The following CAPZB variants were observed in gnomAD, a reference collection of about 807,000 sequenced individuals.
The protein encoded by CAPZB is capping actin protein of muscle Z-line subunit beta.
Under a neutral mutation model 38.1 loss-of-function variants are expected in CAPZB, and 2 were observed. That is an observed-to-expected ratio of 0.05 (90% CI 0.02 to 0.17). The LOEUF (loss-of-function observed/expected upper bound fraction) is 0.17. Among genes scored for constraint, CAPZB ranks in the 10% least tolerant of loss-of-function variants. The pLI is 1.00. For missense variants in CAPZB, 161 were observed against 334.2 expected (o/e 0.48, Z 4.04); for synonymous variants, 107 against 127.4 (o/e 0.84, Z 1.08).
At chr1:19,474,626 C>T (rs1323706716) in intron 1 of CAPZB, among the ~76,000 whole-genome samples, 2 of 152,100 alleles carry the variant, frequency 1.3e-5, no homozygotes, top group Non-Finnish European at 2.9e-5. Flanking sequence ...CTTGTAAGTA[C>T]GGGGCAGTTT....
intron 1 of CAPZB, among the ~76,000 whole-genome samples, chr1:19,470,212 C>T (rs7528035): frequency 0.046 from 7,009 of 152,204 alleles, 252 homozygotes; most frequent in African/African-American, 0.1. Context: ...GCATGAGACG[C>T]TGTCGCCAAA....
At chr1:19,444,846 G>C (rs552255894) in intron 1 of CAPZB, among the ~76,000 whole-genome samples, 1 of 152,106 alleles carries the variant, frequency 6.6e-6, no homozygotes. Context: ...AGGTTCAAGC[G>C]ATTCTCTTGC....
At position 19,445,944 on chromosome 1, in the gene CAPZB, G is replaced by T. The variant is rs574087702; in HGVS notation, c.4-26194C>A. 6.9e-4 allele frequency among the ~76,000 whole-genome samples: 105 copies of T among 152,338 alleles called. 1 individual carries two copies. Among genetic ancestry groups the T allele is most frequent in the African/African-American group, 2.4e-3 (98 of 41,574 alleles). On this transcript the variant is annotated intron_variant, in intron 1 of 8. Transcript: ENST00000264202. ...TGGGCTGTGCAGGAGGGCAGTCCAT[G>T]GCTTTATGCTCTGCCCTCAAGAGCA...
chr1:19,467,057 C>A (rs889435043), intron 1 of CAPZB, among the ~76,000 whole-genome samples: 2 of 131,828 alleles, frequency 1.5e-5, no homozygotes, highest in Non-Finnish European at 3.5e-5. Context: ...TCACACCCAG[C>A]TTTTATTTAT....
At chr1:19,452,804 T>C (rs1200893762) in intron 1 of CAPZB, among the ~76,000 whole-genome samples, 4 of 149,524 alleles carry the variant, frequency 2.7e-5, no homozygotes, top group Middle Eastern at 3.5e-3. Flanking sequence ...TTTTTTTTTT[T>C]TTTTTTTGTC....
At chr1:19,462,121 G>C (rs1363210185) in intron 1 of CAPZB, among the ~76,000 whole-genome samples, 1 of 151,870 alleles carries the variant, frequency 6.6e-6, no homozygotes, top group Non-Finnish European at 1.5e-5. Context: ...ATGAGCCACT[G>C]CACTCCAGCC....
chr1:19,366,515 C>A (rs1304927667), intron 4 of CAPZB, among the ~76,000 whole-genome samples: 1 of 150,812 alleles, frequency 6.6e-6, no homozygotes, highest in African/African-American at 2.4e-5. Context: ...ATGGTGAATC[C>A]CATTTCTACT....
At chr1:19,471,567 C>CT (rs2094587131) in intron 1 of CAPZB, among the ~76,000 whole-genome samples, 1 of 151,298 alleles carries the variant, frequency 6.6e-6, no homozygotes, top group Non-Finnish European at 1.5e-5. Context: ...TCTGTTACGT[C>CT]GAGAAATGCT....
intron 1 of CAPZB, among the ~76,000 whole-genome samples, chr1:19,420,420 G>GT (rs781629529): frequency 7.9e-5 from 12 of 152,116 alleles, no homozygotes; most frequent in African/African-American, 2.9e-4. Context: ...TTTAAAAAAT[G>GT]TTTTTCATTT....
intron 1 of CAPZB, among the ~76,000 whole-genome samples, chr1:19,440,523 C>G (rs2094472395): frequency 6.6e-6 from 1 of 152,114 alleles, no homozygotes; most frequent in Non-Finnish European, 1.5e-5. Context: ...AGCCTAAGGC[C>G]AACCGTTCTG....
At chr1:19,420,470 G>A (rs2094396949) in intron 1 of CAPZB, among the ~76,000 whole-genome samples, 2 of 152,092 alleles carry the variant, frequency 1.3e-5, no homozygotes, top group South Asian at 4.1e-4. Context: ...AGGCTGGAGT[G>A]TAGTGGCATG....
intron 4 of CAPZB, among the ~76,000 whole-genome samples, chr1:19,367,673 C>A (rs2094097029): frequency 6.6e-6 from 1 of 152,230 alleles, no homozygotes; most frequent in Non-Finnish European, 1.5e-5. Context: ...CCAGTACACA[C>A]AGGTGCAACA....
chr1:19,353,277 G>T (rs926495861), intron 6 of CAPZB, among the ~76,000 whole-genome samples: 2 of 152,160 alleles, frequency 1.3e-5, no homozygotes, highest in Non-Finnish European at 2.9e-5. Flanking sequence ...GACACACGTG[G>T]GGCAAGGGCA....
intron 4 of CAPZB, among the ~76,000 whole-genome samples, chr1:19,363,742 G>A (rs181202534): frequency 4.6e-5 from 7 of 152,272 alleles, no homozygotes; most frequent in East Asian, 1.9e-4. Flanking sequence ...TGGCCAACAC[G>A]GGGCTGCAAA....
chr1:19,458,169 A>G (rs906367700), intron 1 of CAPZB, among the ~76,000 whole-genome samples: 4 of 151,972 alleles, frequency 2.6e-5, no homozygotes, highest in Non-Finnish European at 5.9e-5. Flanking sequence ...GCTTTCCACA[A>G]TGATGCTTTA....
intron 4 of CAPZB, among the ~76,000 whole-genome samples, chr1:19,372,282 T>G (rs984309277): frequency 6.6e-6 from 1 of 152,218 alleles, no homozygotes; most frequent in Non-Finnish European, 1.5e-5. Context: ...AACCGCATGT[T>G]TGAAGGTATT....
rs372180971 is a variant in CAPZB, at chr1:19,343,781, G to C, written c.731+577C>G. Among the ~76,000 whole-genome samples the C allele has an allele frequency of 1.1e-4, 17 of 152,362 alleles. 1 individual carries two copies. In the East Asian group the frequency reaches 2.1e-3, roughly 19 times the overall value. ...TGACACTGCAGAGCTGAGGGCACGA[G>C]GTGGGAAGGATGGTGCAGGACACTG... On this transcript the variant is annotated intron_variant, in intron 8 of 8. Coordinates refer to ENST00000264202, the MANE Select transcript of CAPZB (RefSeq NM_004930.5).
At chr1:19,479,019 G>A (rs750415432) in intron 1 of CAPZB, among the ~76,000 whole-genome samples, 8 of 152,134 alleles carry the variant, frequency 5.3e-5, no homozygotes, top group Non-Finnish European at 1.2e-4. Context: ...GACCAGCCTG[G>A]CCAACATGGT....
At chr1:19,396,086 G>GCGA (rs2094266994) in intron 2 of CAPZB, among the ~76,000 whole-genome samples, 1 of 152,208 alleles carries the variant, frequency 6.6e-6, no homozygotes, top group African/African-American at 2.4e-5. Flanking sequence ...TCCCAAAGCC[G>GCGA]CGACGGCAGA....
Sources: gnomAD v4.1 joint callset for allele counts (sites outside exome capture counted in the v4.1 genomes callset) on GRCh38, gnomAD v4.1.1 for gene constraint, MANE v1.5 for transcripts, NCBI Gene and HGNC (gene_info 2026-07-23, HGNC 2026-07-21) for gene names.